Variants in HIVEP2 observed in about 807,000 individuals in gnomAD.
The protein encoded by HIVEP2 is HIVEP zinc finger 2.
In HIVEP2, 14 loss-of-function variants were observed where a neutral mutation model predicts 180.7. That is an observed-to-expected ratio of 0.08 (90% CI 0.05 to 0.12). The LOEUF is 0.12. Among genes scored for constraint, HIVEP2 ranks in the 10% least tolerant of loss-of-function variants. The probability of loss-of-function intolerance (pLI) is 1.00; values close to 1 mark genes in which losing one functional copy is unlikely to be tolerated. For synonymous variants in HIVEP2, 1,184 were observed against 1,136.4 expected (o/e 1.04, Z -0.84); for missense variants, 2,579 against 3,008.5 (o/e 0.86, Z 3.34).
Position 142,770,221 on chromosome 6 carries a change from A to C in HIVEP2, c.4518T>G (p.Asp1506Glu). The change falls in exon 5 of 10, where the codon GAT becomes GAG. Residue 1506 changes from aspartate to glutamate, a missense_variant. Around this residue, in one of 11 missense-constraint regions of HIVEP2, gnomAD observed 349 missense variants for 367.2 expected, o/e 0.95. Transcript: ENST00000367603. The surrounding 1 kb of genome is among the most constrained non-coding windows in gnomAD (Gnocchi z 4.7). ...AGGAAGATGACCCTGACTGCAAGCC[A>C]TCTTTTGGCTCAGAAGCACATCCTT... ...VRQGCASEPK[D>E]GLQSGSSSFS... The C allele has an allele frequency of 1.9e-6, 3 of 1,614,202 alleles. No homozygotes were observed. Among genetic ancestry groups the C allele is most frequent in the Non-Finnish European group, 2.5e-6 (3 of 1,180,034 alleles).
Position 142,769,815 on chromosome 6 carries a change from G to A in HIVEP2, c.4924C>T (p.Arg1642Trp), listed in dbSNP as rs540360531. The A allele has an allele frequency of 9.9e-6, 16 of 1,614,156 alleles. No homozygotes were observed. Among genetic ancestry groups the A allele is most frequent in the African/African-American group, 1.3e-5 (1 of 75,036 alleles). ...CACCAACTCACAGTAGTTGTTGTCC[G>A]CAGACTGGGGAACTGAAGAATCTGC... ...FQQILQFPSL[R>W]TTTTVSWCFL... The change falls in exon 5 of 10, where the codon CGG (arginine) becomes TGG (tryptophan). Residue 1642 changes from arginine (R) to tryptophan (W), a missense_variant. Physicochemically the swap from Arg to Trp is moderately radical, Grantham distance 101 (BLOSUM62 -3). Around this residue, in one of 11 missense-constraint regions of HIVEP2, gnomAD observed 349 missense variants for 367.2 expected, o/e 0.95. Transcript: ENST00000367603.
chr6:142,762,267 C>A (rs1297288297), intron 7 of HIVEP2, among the ~76,000 whole-genome samples: 1 of 152,052 alleles, frequency 6.6e-6, no homozygotes, highest in African/African-American at 2.4e-5. Context: ...AGGCTCCTAT[C>A]ACACTAACAA....
At chr6:142,879,829 C>T (rs574308931) in intron 1 of HIVEP2, among the ~76,000 whole-genome samples, 8 of 152,198 alleles carry the variant, frequency 5.3e-5, no homozygotes, top group South Asian at 4.1e-4. Context: ...CCACAGGCTG[C>T]GTTCTGTTTC....
chr6:142,913,879 A>G (rs1419640915), intron 1 of HIVEP2, among the ~76,000 whole-genome samples: 2 of 152,206 alleles, frequency 1.3e-5, no homozygotes, highest in African/African-American at 4.8e-5. Context: ...AGACTGGCCC[A>G]GCAAAGTCCC....
intron 9 of HIVEP2, among the ~76,000 whole-genome samples, chr6:142,757,644 G>A (rs936153124): frequency 3.9e-5 from 6 of 151,944 alleles, no homozygotes; most frequent in Non-Finnish European, 5.9e-5. Context: ...GCGACAGAGC[G>A]AGACTCCATC....
chr6:142,931,371 T>C lies in HIVEP2; in HGVS notation c.-641+13728A>G, dbSNP rs574274112. Among the ~76,000 whole-genome samples the C allele has an allele frequency of 2.6e-5, 4 of 152,132 alleles. No individual in the cohort carries two copies. In the East Asian group the frequency reaches 7.8e-4, roughly 30 times the overall value. On this transcript the variant is annotated intron_variant, in intron 1 of 9. Transcript: ENST00000367603. ...TTCCAAATATTCTGTATCCCCATTT[T>C]TAATCAACAGAAAAATATAAATTGA...
intron 2 of HIVEP2, among the ~76,000 whole-genome samples, chr6:142,793,648 C>CTTTTTT (rs1345352201): frequency 3.5e-4 from 13 of 37,208 alleles, no homozygotes; most frequent in Non-Finnish European, 1.5e-4. Flanking sequence ...TTCTTTCTTT[C>CTTTTTT]TTTCTTTCTT....
rs546816535 is a variant in HIVEP2, at chr6:142,849,310, G to A, written c.-640-12263C>T. Among the ~76,000 whole-genome samples the A allele has an allele frequency of 3.3e-5, 5 of 152,224 alleles. No individual in the cohort carries two copies. The East Asian group carries it at 9.7e-4, about 29-fold the overall frequency. On this transcript the variant is annotated intron_variant, in intron 1 of 9. Transcript: ENST00000367603. Reference sequence around the variant, plus strand: ...TTCAGTAATCAGTAGACATTTGTGAGGCGGAAAAGAGGAAAACCAAGCTGA... The same window carrying A: ...TTCAGTAATCAGTAGACATTTGTGAAGCGGAAAAGAGGAAAACCAAGCTGA...
In HIVEP2 at chr6:142,927,153, C is replaced by G. The variant is rs889295105; in HGVS notation, c.-641+17946G>C. ...AGCTGCTCTTCCTCCCGGAGGAAAC[C>G]GAGCTCGCAAGCCCAGCGCTCCCAG... On this transcript the variant is annotated intron_variant, in intron 1 of 9. Transcript: ENST00000367603. Among the ~76,000 whole-genome samples, 5 of 152,036 alleles carry G rather than the reference C, an allele frequency of 3.3e-5. No homozygotes were observed. In the East Asian group the frequency reaches 7.8e-4, roughly 24 times the overall value.
chr6:142,878,607 T>C (rs1010904757), intron 1 of HIVEP2, among the ~76,000 whole-genome samples: 2 of 152,188 alleles, frequency 1.3e-5, no homozygotes, highest in African/African-American at 4.8e-5. Flanking sequence ...AAGCAGGCAC[T>C]GAGGATGACA....
At chr6:142,820,081 C>T (rs1776985611) in intron 2 of HIVEP2, among the ~76,000 whole-genome samples, 2 of 152,188 alleles carry the variant, frequency 1.3e-5, no homozygotes, top group Admixed American at 6.5e-5. Flanking sequence ...CTGTGGGGAA[C>T]ATACATCATA....
chr6:142,905,950 G>A (rs376828236), intron 1 of HIVEP2, among the ~76,000 whole-genome samples: 4 of 152,030 alleles, frequency 2.6e-5, no homozygotes, highest in African/African-American at 4.8e-5. Flanking sequence ...CCTGGCCAAC[G>A]TGGCAAAACC....
chr6:142,795,327 A>C (rs369106467), intron 2 of HIVEP2, among the ~76,000 whole-genome samples: 2 of 152,180 alleles, frequency 1.3e-5, no homozygotes, highest in Non-Finnish European at 2.9e-5. Context: ...TCTTTCTCAC[A>C]TATCACTGAA....
intron 1 of HIVEP2, among the ~76,000 whole-genome samples, chr6:142,872,262 T>C (rs1376042905): frequency 6.6e-6 from 1 of 152,176 alleles, no homozygotes; most frequent in Non-Finnish European, 1.5e-5. Context: ...TAGTAATTAA[T>C]CTGCGTTAGA....
intron 1 of HIVEP2, among the ~76,000 whole-genome samples, chr6:142,879,940 T>C (rs560159861): frequency 6.6e-6 from 1 of 152,264 alleles, no homozygotes; most frequent in Admixed American, 6.5e-5. Context: ...GACTATGTCT[T>C]GTTCATATTG....
Position 142,772,469 on chromosome 6 carries a change from C to A in HIVEP2, c.2270G>T (p.Arg757Leu). 6.2e-7 allele frequency: 1 copy of A among 1,614,154 alleles called. No homozygotes were observed. The highest frequency in any genetic ancestry group is 8.5e-7 in the Non-Finnish European group (1 of 1,180,044). Residue 757 changes from arginine to leucine, a missense_variant, in exon 5 of 10, where the codon CGC becomes CTC. Around this residue, in one of 11 missense-constraint regions of HIVEP2, gnomAD observed 524 missense variants for 563.6 expected, o/e 0.93. Transcript: ENST00000367603. This position sits in a 1 kb window ranked among gnomAD's most constrained non-coding sequence, Gnocchi z 4.9. ...HENLSHGHTE[R>L]FDPCRPQLQP... Reference sequence around the variant, plus strand: ...CAGTTGGGGCCGACATGGGTCAAAGCGTTCCGTGTGACCATGAGAAAGGTT... The same window carrying A: ...CAGTTGGGGCCGACATGGGTCAAAGAGTTCCGTGTGACCATGAGAAAGGTT...
chr6:142,805,446 A>T (rs1776524091), intron 2 of HIVEP2, among the ~76,000 whole-genome samples: 1 of 144,888 alleles, frequency 6.9e-6, no homozygotes, highest in Admixed American at 6.9e-5. Context: ...CCCCTATCCC[A>T]ACTTGGGAAC....
rs190931426 is a variant in HIVEP2 at position 142,824,675 on chromosome 6, T to C, written c.-528+12260A>G. On this transcript the variant is annotated intron_variant, in intron 2 of 9. Transcript: ENST00000367603. ...CACAAAGTTTATGCCTAATACCTCG[T>C]AGCCGTGTAACACAATGGCTCAGAT... Among the ~76,000 whole-genome samples the C allele has an allele frequency of 8.1e-4, 124 of 152,306 alleles. 1 individual carries two copies. The highest frequency in any genetic ancestry group is 2.7e-3 in the African/African-American group (114 of 41,562).
chr6:142,886,037 G>A (rs1436793079), intron 1 of HIVEP2, among the ~76,000 whole-genome samples: 2 of 152,152 alleles, frequency 1.3e-5, no homozygotes, highest in Non-Finnish European at 2.9e-5. Flanking sequence ...ATGCTTTTAA[G>A]TAAAGCTTAA....
Sources: gnomAD v4.1 joint callset for allele counts (sites outside exome capture counted in the v4.1 genomes callset) on GRCh38, gnomAD v4.1.1 for gene constraint, gnomAD v4.1.1 regional missense constraint, Gnocchi (gnomAD v3.1) non-coding constraint, MANE v1.5 for transcripts, NCBI Gene and HGNC (gene_info 2026-07-23, HGNC 2026-07-21) for gene names.